Variants in ATP9A observed in about 807,000 individuals in gnomAD.
ATP9A encodes the protein probable phospholipid-transporting ATPase IIA.
ATP9A carries 52 observed loss-of-function variants against 144.1 expected under a neutral mutation model. The ratio of observed to expected loss-of-function variants is 0.36; its 90% CI spans 0.29 to 0.45. The LOEUF (loss-of-function observed/expected upper bound fraction) is 0.45. ATP9A is among the 20% of genes least tolerant of loss of function. ATP9A has a pLI of 1.00. For missense variants in ATP9A, 947 were observed against 1,392.7 expected, an observed-to-expected ratio of 0.68 and a Z score of 5.09; for synonymous variants, 582 against 557.4, an observed-to-expected ratio of 1.04 and a Z score of -0.62.
intron 12 of ATP9A, 34 bp downstream of exon 12, chr20:51,671,081 A>C: frequency 1.2e-6 from 2 of 1,602,964 alleles, no homozygotes; most frequent in Non-Finnish European, 8.5e-7. Context: ...TTCTCTCACC[A>C]GGAATCCTGC....
chr20:51,658,892 G>GGGGGGGC lies in ATP9A; in HGVS notation c.1294-1743_1294-1742insGCCCCCC, dbSNP rs2077399301. Among the ~76,000 whole-genome samples, 2 of 109,224 alleles carry GGGGGGGC rather than the reference G, an allele frequency of 1.8e-5. 1 individual carries two copies. The highest frequency in any genetic ancestry group is 7.4e-5 in the African/African-American group (2 of 26,978). The allele number at this position is 109,224 out of a possible 152,430, so 71.7% of individuals were successfully genotyped here. ...AATGAAAATTAAGACCACTGGCGGG[G>GGGGGGGC]GGGGGGGGGGGAAGGCTCATTGTTG... On this transcript the variant is annotated intron_variant, in intron 13 of 27. Transcript: ENST00000338821.
At chr20:51,742,120 T>C (rs146146153) in intron 1 of ATP9A, among the ~76,000 whole-genome samples, 32 of 152,268 alleles carry the variant, frequency 2.1e-4, no homozygotes, top group Non-Finnish European at 3.8e-4. Flanking sequence ...GTTCAGGAGT[T>C]GGAGACCAGC....
At chr20:51,729,498 A>G (rs918155432) in intron 2 of ATP9A, among the ~76,000 whole-genome samples, 5 of 152,174 alleles carry the variant, frequency 3.3e-5, no homozygotes, top group African/African-American at 4.8e-5. Context: ...TAATCCCAGC[A>G]CTTTGAGAGG....
At chr20:51,612,495 G>A (rs1469914417) in intron 23 of ATP9A, among the ~76,000 whole-genome samples, 6 of 152,214 alleles carry the variant, frequency 3.9e-5, no homozygotes, top group Non-Finnish European at 8.8e-5. Flanking sequence ...CGCAATCTCA[G>A]CTCACTGCAA....
At chr20:51,699,672 T>C (rs375884617) in intron 4 of ATP9A, among the ~76,000 whole-genome samples, 1 of 151,952 alleles carries the variant, frequency 6.6e-6, no homozygotes, top group East Asian at 1.9e-4. Flanking sequence ...AGACGGAGTC[T>C]CGCTCTGTCA....
At chr20:51,638,477 T>C (rs1340826372) in intron 15 of ATP9A, among the ~76,000 whole-genome samples, 1 of 152,016 alleles carries the variant, frequency 6.6e-6, no homozygotes, top group Non-Finnish European at 1.5e-5. Context: ...CAGACAATCA[T>C]GCAGACTGCA....
intron 18 of ATP9A, among the ~76,000 whole-genome samples, chr20:51,623,801 A>AAAAAAAGAAAGAAAG (rs558189054): frequency 7.5e-6 from 1 of 133,390 alleles, no homozygotes; most frequent in African/African-American, 3.0e-5. Flanking sequence ...AAAAAAAAAA[A>AAAAAAAGAAAGAAAG]AAAGAAAGAA....
At position 51,657,133 on chromosome 20, in the gene ATP9A, C is replaced by T. The variant is rs371469001; in HGVS notation, c.1311G>A (p.Pro437=). 8 of 1,614,010 alleles carry T rather than the reference C, an allele frequency of 5.0e-6. No homozygotes were observed. Among genetic ancestry groups the T allele is most frequent in the African/African-American group, 1.3e-5 (1 of 75,028 alleles). ...SIYTQQSQDP[P]AQKGPTLTTK... Reference sequence around the variant, plus strand: ...TGGTGAGCGTTGGGCCCTTCTGAGCCGGTGGGTCCTGGGATTGCTACAGGA... The same window carrying T: ...TGGTGAGCGTTGGGCCCTTCTGAGCTGGTGGGTCCTGGGATTGCTACAGGA... The change falls in exon 14 of 28, where the codon CCG becomes CCA. Residue 437 remains proline, a synonymous_variant. Coordinates refer to ENST00000338821, the MANE Select transcript of ATP9A (RefSeq NM_006045.3).
rs557119360 is a variant in ATP9A at position 51,714,645 on chromosome 20, G to A, written c.328-1571C>T. 4.0e-4 allele frequency among the ~76,000 whole-genome samples: 61 copies of A among 152,294 alleles called. 1 individual carries two copies. In the East Asian group the frequency reaches 9.8e-3, roughly 25 times the overall value. ...GGCCTCCCAAAGTGCTGGGATTACCGGCGTGAGCCACCACGCCCAGCAGAG... is the reference window on the plus strand; with the variant it reads ...GGCCTCCCAAAGTGCTGGGATTACCAGCGTGAGCCACCACGCCCAGCAGAG... On this transcript the variant is annotated intron_variant, in intron 3 of 27. Coordinates refer to ENST00000338821, the MANE Select transcript of ATP9A (RefSeq NM_006045.3).
intron 14 of ATP9A, among the ~76,000 whole-genome samples, chr20:51,647,787 C>T (rs1215893794): frequency 6.6e-6 from 1 of 151,988 alleles, no homozygotes; most frequent in African/African-American, 2.4e-5. Flanking sequence ...TCTGAGCCAA[C>T]ACTAATATCA....
intron 15 of ATP9A, among the ~76,000 whole-genome samples, chr20:51,629,895 T>C (rs1568793034): frequency 6.6e-6 from 1 of 152,142 alleles, no homozygotes; most frequent in Non-Finnish European, 1.5e-5. Context: ...GACTGACACA[T>C]GGAAAGGACC....
At chr20:51,650,842 C>T (rs576445505) in intron 14 of ATP9A, among the ~76,000 whole-genome samples, 1 of 152,024 alleles carries the variant, frequency 6.6e-6, no homozygotes. Context: ...TTCATACACA[C>T]ACATGTGCAT....
At position 51,622,118 on chromosome 20, in the gene ATP9A, C is replaced by A; in HGVS notation, c.2071G>T (p.Ala691Ser). 6.2e-7 allele frequency: 1 copy of A among 1,614,118 alleles called. No individual in the cohort carries two copies. Among genetic ancestry groups the A allele is most frequent in the Admixed American group, 1.7e-5 (1 of 60,012 alleles). The change falls in exon 19 of 28, where the codon GCA becomes TCA. Residue 691 changes from alanine (A) to serine (S), a missense_variant. Transcript: ENST00000338821. ...TCTTGGTTTCTGGTCACCAGATGTG[C>A]ATTCTTCGCTGTGCACGTAGCTGTC... The part of the protein sequence containing the change: ...LETATCTAKN[A>S]HLVTRNQDIH...
chr20:51,674,089 T>C, intron 11 of ATP9A, 64 bp downstream of exon 11: 3 of 1,520,840 alleles, frequency 2.0e-6, no homozygotes, highest in South Asian at 1.2e-5. Context: ...AGAACCATCA[T>C]CTTTGAATGA....
chr20:51,767,755 G>C (rs552658885), intron 1 of ATP9A, among the ~76,000 whole-genome samples: 49 of 152,276 alleles, frequency 3.2e-4, no homozygotes, highest in Admixed American at 2.4e-3. Flanking sequence ...CGGGCGGAGG[G>C]GGAAGGGGCC....
chr20:51,668,231 C>A (rs1004327008), intron 13 of ATP9A, among the ~76,000 whole-genome samples: 1 of 147,508 alleles, frequency 6.8e-6, no homozygotes, highest in Non-Finnish European at 1.5e-5. Flanking sequence ...GGAGCAGGTA[C>A]TGGAGAAGGG....
At chr20:51,726,038 G>T in intron 2 of ATP9A, 106 bp from the exon 3 acceptor site, 2 of 741,978 alleles carry the variant, frequency 2.7e-6, no homozygotes, top group South Asian at 1.7e-5. Flanking sequence ...CTGCAGCCAG[G>T]CGTGGTGGTT....
At chr20:51,657,295 T>G in intron 13 of ATP9A, 145 bp from the exon 14 acceptor site, 1 of 597,102 alleles carries the variant, frequency 1.7e-6, no homozygotes, top group South Asian at 2.6e-5. Flanking sequence ...ATGCTGCAAA[T>G]AAATGACATG....
intron 10 of ATP9A, among the ~76,000 whole-genome samples, chr20:51,674,878 A>G (rs987410723): frequency 6.6e-6 from 1 of 152,170 alleles, no homozygotes; most frequent in African/African-American, 2.4e-5. Context: ...GCTGGAATGC[A>G]AGGGCACAAT....
Sources: allele counts gnomAD v4.1 joint callset (sites outside exome capture counted in the v4.1 genomes callset), GRCh38; gene constraint gnomAD v4.1.1; transcripts MANE v1.5; gene names NCBI Gene and HGNC (gene_info 2026-07-23, HGNC 2026-07-21).